NRXN3: variants seen among roughly 807,000 people sequenced by gnomAD.
NRXN3 encodes neurexin III.
Under a neutral mutation model 137.6 loss-of-function variants are expected in NRXN3, and 32 were observed. The observed-to-expected ratio is 0.23, with a 90% CI of 0.18 to 0.31. NRXN3 has a LOEUF of 0.31. NRXN3 is among the 10% of genes least tolerant of loss of function. The probability of loss-of-function intolerance (pLI) is 1.00; values close to 1 mark genes in which losing one functional copy is unlikely to be tolerated. For synonymous variants in NRXN3, 798 were observed against 784.5 expected (o/e 1.02, Z -0.29); for missense variants, 1,574 against 2,062.5 (o/e 0.76, Z 4.59).
chr14:79,847,134 C>T (rs1021381274), intron 20 of NRXN3, among the ~76,000 whole-genome samples: 5 of 152,124 alleles, frequency 3.3e-5, no homozygotes, highest in Admixed American at 2.0e-4. Flanking sequence ...AACTGAGGCC[C>T]GGGCTACTCC....
chr14:79,181,057 CATATATAT>C (rs3035618), intron 15 of NRXN3, among the ~76,000 whole-genome samples: 36 of 144,996 alleles, frequency 2.5e-4, no homozygotes, highest in East Asian at 1.2e-3. Context: ...TGTCTGTGTG[CATATATAT>C]ATATATATAT....
intron 16 of NRXN3, among the ~76,000 whole-genome samples, chr14:79,543,703 G>A (rs1213463115): frequency 6.6e-6 from 1 of 152,198 alleles, no homozygotes; most frequent in Non-Finnish European, 1.5e-5. Flanking sequence ...ATTTCTACAG[G>A]GACCAGACAG....
chr14:79,034,349 T>TACACACACACACAC (rs56226324), intron 15 of NRXN3, among the ~76,000 whole-genome samples: 2,284 of 144,454 alleles, frequency 0.016, 31 homozygotes, highest in African/African-American at 0.025. Context: ...TCTTATTTCT[T>TACACACACACACAC]ACACACACAC....
At chr14:79,351,086 A>C (rs566037628) in intron 15 of NRXN3, among the ~76,000 whole-genome samples, 1 of 152,274 alleles carries the variant, frequency 6.6e-6, no homozygotes, top group East Asian at 1.9e-4. Context: ...TGATACTTTC[A>C]AACTTTCAAC....
intron 2 of NRXN3, among the ~76,000 whole-genome samples, chr14:78,275,134 A>C (rs960159946): frequency 6.6e-6 from 1 of 152,242 alleles, no homozygotes; most frequent in Non-Finnish European, 1.5e-5. Flanking sequence ...AGACCTCTTT[A>C]ACTACCTTCT....
intron 4 of NRXN3, chr14:78,403,805 C>A: frequency 1.0e-6 from 1 of 985,368 alleles, no homozygotes; most frequent in Non-Finnish European, 1.2e-6. Context: ...TTTCTGCCCC[C>A]TGAGGTTGTG....
intron 19 of NRXN3, among the ~76,000 whole-genome samples, chr14:79,758,049 G>GT (rs1176240559): frequency 6.6e-6 from 1 of 152,096 alleles, no homozygotes; most frequent in Non-Finnish European, 1.5e-5. Flanking sequence ...GAATTTGCTA[G>GT]TTTTTTTGTT....
At chr14:78,314,942 T>TCTTTCTTTCTTTCTTTCTTTCTTC (rs1491333798) in intron 4 of NRXN3, among the ~76,000 whole-genome samples, 3 of 60,650 alleles carry the variant, frequency 4.9e-5, no homozygotes, top group East Asian at 1.4e-3. Flanking sequence ...TTTCTTTCTT[T>TCTTTCTTTCTTTCTTTCTTTCTTC]CTTCCTTCCT....
At chr14:79,589,606 A>G (rs1244383179) in intron 16 of NRXN3, among the ~76,000 whole-genome samples, 1 of 151,646 alleles carries the variant, frequency 6.6e-6, no homozygotes, top group African/African-American at 2.4e-5. Flanking sequence ...GTAAAAGAGA[A>G]GTGGATGTAA....
At chr14:79,848,308 T>C (rs567389182) in intron 20 of NRXN3, among the ~76,000 whole-genome samples, 9 of 152,314 alleles carry the variant, frequency 5.9e-5, no homozygotes, top group East Asian at 3.9e-4. Flanking sequence ...TTAGGACTTC[T>C]ATATGCAGAT....
At chr14:78,750,164 A>C (rs1386516283) in intron 8 of NRXN3, among the ~76,000 whole-genome samples, 1 of 152,236 alleles carries the variant, frequency 6.6e-6, no homozygotes, top group Non-Finnish European at 1.5e-5. Flanking sequence ...ATCCAGCCTC[A>C]CACACTGCCT....
At chr14:79,303,635 G>A (rs1197972397) in intron 15 of NRXN3, among the ~76,000 whole-genome samples, 1 of 151,964 alleles carries the variant, frequency 6.6e-6, no homozygotes, top group Admixed American at 6.6e-5. Flanking sequence ...TTTTTGTTGG[G>A]GGTGGGGGGC....
chr14:79,700,134 T>C (rs1181063081), intron 19 of NRXN3, among the ~76,000 whole-genome samples: 1 of 152,044 alleles, frequency 6.6e-6, no homozygotes, highest in African/African-American at 2.4e-5. Flanking sequence ...ATCAAACCTA[T>C]GTTAGGACTG....
intron 15 of NRXN3, among the ~76,000 whole-genome samples, chr14:79,165,766 A>G (rs1224242447): frequency 1.3e-5 from 2 of 151,954 alleles, no homozygotes; most frequent in Admixed American, 1.3e-4. Context: ...ATTGTCTGAG[A>G]TCAGCATCTC....
At chr14:79,003,479 G>T (rs192018301) in intron 15 of NRXN3, among the ~76,000 whole-genome samples, 1 of 152,030 alleles carries the variant, frequency 6.6e-6, no homozygotes, top group African/African-American at 2.4e-5. Flanking sequence ...AATTCAAAAC[G>T]CTTTGAGCCT....
At chr14:79,583,000 A>G (rs2097731106) in intron 16 of NRXN3, among the ~76,000 whole-genome samples, 1 of 152,224 alleles carries the variant, frequency 6.6e-6, no homozygotes, top group African/African-American at 2.4e-5. Context: ...TTAAAAGCAA[A>G]TACACAGCAT....
intron 6 of NRXN3, among the ~76,000 whole-genome samples, chr14:78,659,110 C>T (rs563716665): frequency 3.5e-4 from 54 of 152,128 alleles, no homozygotes; most frequent in East Asian, 2.1e-3. Flanking sequence ...GATAGGCCCT[C>T]AAACAATATG....
chr14:79,801,859 G>T (rs2099182617), intron 19 of NRXN3, among the ~76,000 whole-genome samples: 1 of 151,868 alleles, frequency 6.6e-6, no homozygotes, highest in Admixed American at 6.6e-5. Flanking sequence ...GATGTGTGGG[G>T]TCTGCAATGG....
chr14:79,513,407 C>T (rs552677560), intron 16 of NRXN3, among the ~76,000 whole-genome samples: 20 of 152,316 alleles, frequency 1.3e-4, no homozygotes, highest in Non-Finnish European at 1.9e-4. Context: ...CACTAAACCA[C>T]CCTTTGCCAT....
Sources: gnomAD v4.1 joint callset for allele counts (sites outside exome capture counted in the v4.1 genomes callset) on GRCh38, gnomAD v4.1.1 for gene constraint, MANE v1.5 for transcripts, NCBI Gene and HGNC (gene_info 2026-07-23, HGNC 2026-07-21) for gene names.